Variants in CHN1 observed in about 807,000 individuals in gnomAD.
CHN1 encodes the protein chimerin 1.
Under a neutral mutation model 59.5 loss-of-function variants are expected in CHN1, and 37 were observed. The observed-to-expected ratio is 0.62, with a 90% CI of 0.48 to 0.82. The LOEUF (loss-of-function observed/expected upper bound fraction) is 0.82. Among genes scored for constraint, CHN1 ranks in the 40% least tolerant of loss-of-function variants. The pLI, the probability that CHN1 is intolerant of heterozygous loss-of-function variation, is 0.00. For synonymous variants in CHN1, 206 were observed against 200.4 expected (o/e 1.03, Z -0.24); for missense variants, 469 against 571.0 (o/e 0.82, Z 1.82).
intron 1 of CHN1, among the ~76,000 whole-genome samples, chr2:174,984,179 TA>T (rs1691259512): frequency 6.6e-6 from 1 of 151,954 alleles, no homozygotes; most frequent in Non-Finnish European, 1.5e-5. Context: ...ACTTTTAAAA[TA>T]AGATCTTTCA....
chr2:174,847,773 C>CAAAAAAAAAAAAAAAAAA lies in CHN1; in HGVS notation c.550-834_550-817dup, dbSNP rs71031072. 53 of 238,424 alleles carry CAAAAAAAAAAAAAAAAAA rather than the reference C, an allele frequency of 2.2e-4. 7 individuals carry two copies. The highest frequency in any genetic ancestry group is 1.6e-3 in the African/African-American group (27 of 16,462). 14.8% of individuals were successfully genotyped at this position (238,424 alleles called of 1,614,324 possible). On this transcript the variant is annotated intron_variant, in intron 6 of 12. Transcript: ENST00000409900. Reference sequence around the variant, plus strand: ...AAGTAAGTTTCTTGCTGGCTCAAGGCAAAAAAAAAAAAAAAAAAAAAAAAA... The same window carrying CAAAAAAAAAAAAAAAAAA: ...AAGTAAGTTTCTTGCTGGCTCAAGGCAAAAAAAAAAAAAAAAAAAAAAAAAAAAAAAAAAAAAAAAAAA...
intron 3 of CHN1, among the ~76,000 whole-genome samples, chr2:174,931,308 A>AT (rs1332779881): frequency 6.6e-6 from 1 of 152,160 alleles, no homozygotes; most frequent in African/African-American, 2.4e-5. Context: ...GTGAATCTTT[A>AT]TTTTTTTGGA....
At chr2:174,848,641 C>G (rs1331080210) in intron 6 of CHN1, among the ~76,000 whole-genome samples, 2 of 152,118 alleles carry the variant, frequency 1.3e-5, no homozygotes, top group Admixed American at 1.3e-4. Flanking sequence ...GCATATTCTA[C>G]TTTAATTAGG....
At chr2:174,831,687 C>T (rs1685883863) in intron 7 of CHN1, among the ~76,000 whole-genome samples, 1 of 151,974 alleles carries the variant, frequency 6.6e-6, no homozygotes, top group Non-Finnish European at 1.5e-5. Flanking sequence ...TTTCAGAAGA[C>T]AATTTCTTTT....
At chr2:174,998,256 T>C (rs1311730334) in intron 1 of CHN1, among the ~76,000 whole-genome samples, 3 of 143,018 alleles carry the variant, frequency 2.1e-5, no homozygotes, top group Non-Finnish European at 4.5e-5. Flanking sequence ...TGATCTGAGA[T>C]TGCGCCACTG....
At chr2:174,817,663 A>G (rs1574050084) in intron 8 of CHN1, among the ~76,000 whole-genome samples, 43 of 120,472 alleles carry the variant, frequency 3.6e-4, no homozygotes, top group Admixed American at 5.4e-4. Flanking sequence ...TTTGAGACGG[A>G]GTCTCGCTCT....
chr2:174,862,789 A>G (rs1310318084), intron 6 of CHN1, among the ~76,000 whole-genome samples: 3 of 152,174 alleles, frequency 2.0e-5, no homozygotes, highest in Non-Finnish European at 4.4e-5. Flanking sequence ...TTCACATCAC[A>G]AGATATGAAA....
At chr2:174,883,513 C>A (rs1421628773) in intron 5 of CHN1, among the ~76,000 whole-genome samples, 1 of 152,054 alleles carries the variant, frequency 6.6e-6, no homozygotes, top group East Asian at 1.9e-4. Context: ...GAGTAGAGAC[C>A]ATCATCCTAT....
chr2:174,842,454 A>G (rs1027623171), intron 7 of CHN1, among the ~76,000 whole-genome samples: 2 of 152,228 alleles, frequency 1.3e-5, no homozygotes, highest in African/African-American at 4.8e-5. Flanking sequence ...TAATAAATCT[A>G]ATGGTTCACA....
chr2:174,810,905 G>A (rs1441476529), intron 10 of CHN1: 1 of 152,226 alleles, frequency 6.6e-6, no homozygotes, highest in Non-Finnish European at 1.5e-5. Context: ...AGTCCTTGAA[G>A]CAAAGACAAA....
At chr2:174,965,590 A>G (rs1005428975) in intron 1 of CHN1, among the ~76,000 whole-genome samples, 4 of 152,224 alleles carry the variant, frequency 2.6e-5, no homozygotes, top group African/African-American at 9.6e-5. Flanking sequence ...GTTTTAAAGC[A>G]TATTAGTTTC....
Position 175,005,013 on chromosome 2 carries a change from G to T in CHN1, c.-101C>A. ...CGCACCCACACCTCGGAGAGAGTGG[G>T]GTGCCCGATGGGGCGTGCTGGGGGC... is the stretch of plus-strand genomic sequence containing the variant. On this transcript the variant is annotated 5_prime_UTR_variant, in exon 1 of 13. Transcript: ENST00000409900. 3 of 1,485,336 alleles carry T rather than the reference G, an allele frequency of 2.0e-6. No homozygotes were observed. The allele number at this position is 1,485,336 out of a possible 1,614,324, so 92.0% of individuals were successfully genotyped here.
rs777127374 is a variant in CHN1, at chr2:174,799,214, T to A, written c.*902A>T. ...TTTCTAGATTTCTGCCAGAGTAATA[T>A]AAGAAGAAAAATAAATGGAATTAAT... On this transcript the variant is annotated 3_prime_UTR_variant, in exon 13 of 13. Coordinates refer to ENST00000409900, the MANE Select transcript of CHN1 (RefSeq NM_001822.7). The A allele has an allele frequency of 4.6e-6, 1 of 218,810 alleles. No individual in the cohort carries two copies. Among genetic ancestry groups the A allele is most frequent in the East Asian group, 1.0e-4 (1 of 9,836 alleles). The allele number at this position is 218,810 out of a possible 1,614,324, so 13.6% of individuals were successfully genotyped here.
intron 5 of CHN1, among the ~76,000 whole-genome samples, chr2:174,893,194 A>G (rs1235735142): frequency 1.3e-5 from 2 of 152,194 alleles, no homozygotes; most frequent in Non-Finnish European, 2.9e-5. Context: ...CTGTTCACAG[A>G]TGACATCATC....
In CHN1 at chr2:174,850,099, C is replaced by T; in HGVS notation, c.550-3142G>A. Among the ~76,000 whole-genome samples the T allele has an allele frequency of 1.3e-5, 2 of 152,086 alleles. 1 individual carries two copies. Among genetic ancestry groups the T allele is most frequent in the Non-Finnish European group, 2.9e-5 (2 of 67,998 alleles). On this transcript the variant is annotated intron_variant, in intron 6 of 12. Transcript: ENST00000409900. ...AGACTTCAAGGCTCAATTCAAACACCCCCTCCTACGTGATGGCTTTGATAA... is the reference window on the plus strand; with the variant it reads ...AGACTTCAAGGCTCAATTCAAACACTCCCTCCTACGTGATGGCTTTGATAA...
chr2:174,891,915 A>G lies in CHN1; in HGVS notation c.261-13787T>C, dbSNP rs368500716. The stretch of plus-strand genomic sequence containing the variant: ...CAAAGACTAAAATCAGAAGTGAAAC[A>G]AGAAATATTACAACTGATGCCACAA... On this transcript the variant is annotated intron_variant, in intron 5 of 12. Transcript: ENST00000409900. Among the ~76,000 whole-genome samples, 3 of 152,216 alleles carry G rather than the reference A, an allele frequency of 2.0e-5. No homozygotes were observed. The East Asian group carries it at 5.8e-4, about 29-fold the overall frequency.
At chr2:174,886,447 C>G (rs1273138215) in intron 5 of CHN1, among the ~76,000 whole-genome samples, 2 of 152,164 alleles carry the variant, frequency 1.3e-5, no homozygotes, top group African/African-American at 4.8e-5. Context: ...TTTTATATTT[C>G]TAAATCCTCC....
rs191978774 is a variant in CHN1 at position 174,884,654 on chromosome 2, T to A, written c.261-6526A>T. On this transcript the variant is annotated intron_variant, in intron 5 of 12. Coordinates refer to ENST00000409900, the MANE Select transcript of CHN1 (RefSeq NM_001822.7). ...GTGTGATTATATGTACCAGCATATA[T>A]ATACATCTGGCAGCAACATCCATAA... Among the ~76,000 whole-genome samples, 48 of 152,308 alleles carry A rather than the reference T, an allele frequency of 3.2e-4. No homozygotes were observed. In the East Asian group the frequency reaches 8.7e-3, roughly 28 times the overall value.
At chr2:174,817,275 T>C (rs551434783) in intron 8 of CHN1, among the ~76,000 whole-genome samples, 90 of 152,340 alleles carry the variant, frequency 5.9e-4, no homozygotes, top group African/African-American at 1.8e-3. Flanking sequence ...GATATCTATA[T>C]ATATAATTGA....
Sources: allele counts gnomAD v4.1 joint callset (sites outside exome capture counted in the v4.1 genomes callset), GRCh38; gene constraint gnomAD v4.1.1; transcripts MANE v1.5; gene names NCBI Gene and HGNC (gene_info 2026-07-23, HGNC 2026-07-21).